ATXN10: variants seen among roughly 807,000 people sequenced by gnomAD.
The protein encoded by ATXN10 is ataxin 10.
Under a neutral mutation model 52.9 loss-of-function variants are expected in ATXN10, and 28 were observed. That is an observed-to-expected ratio of 0.53 (90% confidence interval 0.39 to 0.73). ATXN10 has a LOEUF of 0.73. Among genes scored for constraint, ATXN10 ranks in the 30% least tolerant of loss-of-function variants. ATXN10 has a pLI of 0.00. For synonymous variants in ATXN10, 226 were observed against 221.5 expected, an observed-to-expected ratio of 1.02 and a Z score of -0.18; for missense variants, 565 against 577.0, an observed-to-expected ratio of 0.98 and a Z score of 0.21.
chr22:45,809,520 T>C (rs1164614545), intron 10 of ATXN10, among the ~76,000 whole-genome samples: 1 of 152,218 alleles, frequency 6.6e-6, no homozygotes, highest in Non-Finnish European at 1.5e-5. Context: ...TTTCTTGATA[T>C]ATCAAGTTTT....
intron 5 of ATXN10, among the ~76,000 whole-genome samples, chr22:45,713,486 A>C (rs1432585623): frequency 6.6e-6 from 1 of 152,206 alleles, no homozygotes. Flanking sequence ...AGGCGAACTT[A>C]CAGAGTTCTC....
intron 9 of ATXN10, among the ~76,000 whole-genome samples, chr22:45,765,164 C>G (rs1292798260): frequency 2.6e-5 from 4 of 152,056 alleles, no homozygotes; most frequent in Non-Finnish European, 5.9e-5. Flanking sequence ...GCCCTCTCAT[C>G]GCGGGGCCAG....
chr22:45,801,749 A>G (rs1927938763), intron 9 of ATXN10, among the ~76,000 whole-genome samples: 1 of 152,216 alleles, frequency 6.6e-6, no homozygotes, highest in South Asian at 2.1e-4. Context: ...AAGGATTACC[A>G]TATCCAGCTC....
rs1928704516 is a variant in ATXN10, at chr22:45,823,065, TTAAA to T, written c.1237+16046_1237+16049del. 6.8e-6 allele frequency: 3 copies of T among 440,196 alleles called. No individual in the cohort carries two copies. The highest frequency in any genetic ancestry group is 4.7e-6 in the Non-Finnish European group (1 of 214,018). The allele number at this position is 440,196 out of a possible 1,614,324, so 27.3% of individuals were successfully genotyped here. On this transcript the variant is annotated intron_variant, in intron 10 of 11. Transcript: ENST00000252934. This position sits in a 1 kb window ranked among gnomAD's most constrained non-coding sequence, Gnocchi z 4.9. ...TCTTATTATTTCATTGAGGTATAAC[TTAAA>T]TAGAGTAAACTGCAAAATTTTTAAG... is the stretch of plus-strand genomic sequence containing the variant.
chr22:45,812,841 T>C (rs1928327450), intron 10 of ATXN10, among the ~76,000 whole-genome samples: 1 of 152,178 alleles, frequency 6.6e-6, no homozygotes, highest in African/African-American at 2.4e-5. Flanking sequence ...CAGGACTGTA[T>C]AGAACATTCC....
chr22:45,685,606 T>G (rs1923105984), intron 1 of ATXN10, among the ~76,000 whole-genome samples: 1 of 152,222 alleles, frequency 6.6e-6, no homozygotes, highest in African/African-American at 2.4e-5. Flanking sequence ...TGAACGTAGA[T>G]TTTGCAGACA....
In ATXN10 at chr22:45,678,404, A is replaced by G. The variant is rs1205272383; in HGVS notation, c.116+6225A>G. ...CCTCTGCATCCCTATTAGAATGGCT[A>G]TAATGAAAATGAGTGACACTGAATT... On this transcript the variant is annotated intron_variant, in intron 1 of 11. Transcript: ENST00000252934. This position sits in a 1 kb window ranked among gnomAD's most constrained non-coding sequence, Gnocchi z 4.1. 1 of 152,216 alleles carries G rather than the reference A, an allele frequency of 6.6e-6. No homozygotes were observed. Among genetic ancestry groups the G allele is most frequent in the African/African-American group, 2.4e-5 (1 of 41,446 alleles). The allele number at this position is 152,216 out of a possible 1,614,324, so 9.4% of individuals were successfully genotyped here.
intron 9 of ATXN10, among the ~76,000 whole-genome samples, chr22:45,767,594 G>A (rs1270378876): frequency 1.4e-4 from 21 of 151,692 alleles, no homozygotes; most frequent in Admixed American, 1.4e-3. Flanking sequence ...GAGTGTGCCT[G>A]TTTTATAGAA....
intron 10 of ATXN10, among the ~76,000 whole-genome samples, chr22:45,838,135 C>A (rs575281572): frequency 5.1e-4 from 77 of 152,296 alleles, no homozygotes; most frequent in Non-Finnish European, 8.5e-4. Context: ...GCACATCAAT[C>A]TGCTGGTTAT....
rs9614511 is a variant in ATXN10, at chr22:45,744,048, G to A, written c.1173+3510G>A. Among the ~76,000 whole-genome samples the A allele has an allele frequency of 0.028, 4,259 of 152,252 alleles. 94 individuals are homozygous for A. Among genetic ancestry groups the A allele is most frequent in the Non-Finnish European group, 0.039 (2,642 of 68,004 alleles). On this transcript the variant is annotated intron_variant, in intron 9 of 11. Coordinates refer to ENST00000252934, the MANE Select transcript of ATXN10 (RefSeq NM_013236.4). The surrounding 1 kb of genome is among the most constrained non-coding windows in gnomAD (Gnocchi z 4.9). ...GACTCCCTCCTGGTTGAAGTTGGGA[G>A]CTCTTGGGGGTCCTCTTATCCTTGT...
In ATXN10 at chr22:45,845,259, T is replaced by G. The variant is rs144696486; in HGVS notation, c.*1588T>G. On this transcript the variant is annotated 3_prime_UTR_variant, in exon 12 of 12. Transcript: ENST00000252934. This position sits in a 1 kb window ranked among gnomAD's most constrained non-coding sequence, Gnocchi z 4.7. ...ATCGCACAAACTTGTCGGTATGAGC[T>G]ATATAATAACAAACACAAATAAATA... 80 of 152,340 alleles carry G rather than the reference T, an allele frequency of 5.3e-4. 1 individual carries two copies. The East Asian group carries it at 0.015, about 29-fold the overall frequency. 9.4% of individuals were successfully genotyped at this position (152,340 alleles called of 1,614,324 possible). A position where few individuals can be genotyped will look rare whatever the true frequency, so the allele number is the denominator to read the frequency against.
chr22:45,831,925 T>G (rs1463135036), intron 10 of ATXN10, among the ~76,000 whole-genome samples: 2 of 152,208 alleles, frequency 1.3e-5, no homozygotes, highest in Admixed American at 1.3e-4. Context: ...GAGTGTGTTG[T>G]GCACATGGCA....
intron 9 of ATXN10, among the ~76,000 whole-genome samples, chr22:45,798,325 A>G (rs1189018054): frequency 6.6e-6 from 1 of 152,254 alleles, no homozygotes; most frequent in Non-Finnish European, 1.5e-5. Flanking sequence ...GTGATAATGT[A>G]TCATGAACCT....
At chr22:45,687,590 A>G (rs1229270443) in intron 1 of ATXN10, among the ~76,000 whole-genome samples, 1 of 152,260 alleles carries the variant, frequency 6.6e-6, no homozygotes, top group Admixed American at 6.5e-5. Context: ...AGCATTAAAT[A>G]ATAAATGGCT....
chr22:45,706,506 A>G (rs373103221), intron 5 of ATXN10, among the ~76,000 whole-genome samples: 196 of 151,928 alleles, frequency 1.3e-3, no homozygotes, highest in African/African-American at 4.7e-3. Context: ...CTGATATGAG[A>G]TCTTCTGTCT....
chr22:45,730,397 T>C (rs1925043820), intron 7 of ATXN10, among the ~76,000 whole-genome samples: 1 of 151,648 alleles, frequency 6.6e-6, no homozygotes, highest in Non-Finnish European at 1.5e-5. Flanking sequence ...GAATTTCCTA[T>C]TTATTTGTCC....
In ATXN10 at chr22:45,700,566, C is replaced by G. The variant is rs568789543; in HGVS notation, c.488+188C>G. On this transcript the variant is annotated intron_variant, in intron 4 of 11. Coordinates refer to ENST00000252934, the MANE Select transcript of ATXN10 (RefSeq NM_013236.4). ...GAAACACCTGGGTCCTGGAAGTGTT[C>G]GTCTATATCTTGACCTTGGTGGTGG... Among the ~76,000 whole-genome samples the G allele has an allele frequency of 7.2e-5, 11 of 151,780 alleles. No individual in the cohort carries two copies. The South Asian group carries it at 2.3e-3, about 32-fold the overall frequency.
intron 9 of ATXN10, among the ~76,000 whole-genome samples, chr22:45,785,076 G>A (rs970778202): frequency 6.6e-6 from 1 of 152,174 alleles, no homozygotes; most frequent in Admixed American, 6.5e-5. Context: ...GTAGCTGTGC[G>A]TGTTAGCACA....
chr22:45,693,081 AG>A lies in ATXN10; in HGVS notation c.391+4del. ...GGAACAGGAATCTCTGTTGACAGGTAGCATGCAATATAATTCATGGATTATT... is the reference window on the plus strand; with the variant it reads ...GGAACAGGAATCTCTGTTGACAGGTACATGCAATATAATTCATGGATTATT... On this transcript the variant is annotated splice_donor_region_variant and intron_variant, in intron 3 of 11. Transcript: ENST00000252934. 6.2e-7 allele frequency: 1 copy of A among 1,611,562 alleles called. No homozygotes were observed. Among genetic ancestry groups the A allele is most frequent in the South Asian group, 1.1e-5 (1 of 91,032 alleles).
Sources: allele counts gnomAD v4.1 joint callset (sites outside exome capture counted in the v4.1 genomes callset), GRCh38; gene constraint gnomAD v4.1.1; non-coding constraint Gnocchi (gnomAD v3.1); transcripts MANE v1.5; gene names NCBI Gene and HGNC (gene_info 2026-07-23, HGNC 2026-07-21).